Variants in ADGRB3 observed in about 807,000 individuals in gnomAD.
ADGRB3 encodes brain-specific angiogenesis inhibitor 3.
In ADGRB3, 37 loss-of-function variants were observed where a neutral mutation model predicts 193.4. The observed-to-expected ratio is 0.19, with a 90% CI of 0.15 to 0.25. The LOEUF (loss-of-function observed/expected upper bound fraction) is 0.25. ADGRB3 is among the 10% of genes least tolerant of loss of function. The pLI is 1.00. For missense variants in ADGRB3, 1,637 were observed against 1,852.9 expected (o/e 0.88, Z 2.14); for synonymous variants, 690 against 644.2 (o/e 1.07, Z -1.08).
chr6:68,933,045 A>G (rs900866624), intron 4 of ADGRB3, among the ~76,000 whole-genome samples: 1 of 150,406 alleles, frequency 6.6e-6, no homozygotes, highest in Non-Finnish European at 1.5e-5. Context: ...TGGTGCTCTA[A>G]TAGCCTATCA....
chr6:68,921,683 A>G (rs1363690733), intron 3 of ADGRB3, among the ~76,000 whole-genome samples: 1 of 152,128 alleles, frequency 6.6e-6, no homozygotes, highest in Non-Finnish European at 1.5e-5. Flanking sequence ...AAGTACATTT[A>G]TATCTTCTTG....
chr6:69,137,403 A>G (rs982720689), intron 17 of ADGRB3, among the ~76,000 whole-genome samples: 17 of 151,812 alleles, frequency 1.1e-4, no homozygotes, highest in Admixed American at 5.3e-4. Flanking sequence ...GGACCAGCTG[A>G]TGCTGTGGCA....
intron 17 of ADGRB3, among the ~76,000 whole-genome samples, chr6:69,176,766 A>G (rs1291009539): frequency 6.6e-6 from 1 of 152,138 alleles, no homozygotes; most frequent in Non-Finnish European, 1.5e-5. Flanking sequence ...CAGCTTTTTC[A>G]TCACGTTAGT....
Position 69,049,342 on chromosome 6 carries a change from T to C in ADGRB3, c.2329T>C (p.Leu777=). 1 of 1,601,710 alleles carries C rather than the reference T, an allele frequency of 6.2e-7. No individual in the cohort carries two copies. The highest frequency in any genetic ancestry group is 8.5e-7 in the Non-Finnish European group (1 of 1,171,014). ...AAACTTAGATCTAATTTTGCCCACTTTGAGGTAAGCTACAAAGTAATAAAC... is the reference window on the plus strand; with the variant it reads ...AAACTTAGATCTAATTTTGCCCACTCTGAGGTAAGCTACAAAGTAATAAAC... ...YKNLDLILPT[L]RNYTVINSKI... Residue 777 remains leucine, a synonymous_variant, in exon 15 of 32, where the codon TTG becomes CTG. Coordinates refer to ENST00000370598, the MANE Select transcript of ADGRB3 (RefSeq NM_001704.3).
intron 3 of ADGRB3, among the ~76,000 whole-genome samples, chr6:68,686,011 A>G (rs1172374541): frequency 6.6e-6 from 1 of 152,232 alleles, no homozygotes; most frequent in Non-Finnish European, 1.5e-5. Context: ...AACCATGTCA[A>G]TATAATCTTT....
At chr6:69,057,249 G>T (rs1439841951) in intron 15 of ADGRB3, among the ~76,000 whole-genome samples, 2 of 151,992 alleles carry the variant, frequency 1.3e-5, no homozygotes, top group Admixed American at 6.6e-5. Flanking sequence ...CTTGCATTCT[G>T]CAACTTCACT....
chr6:69,129,467 G>T (rs1260003264), intron 17 of ADGRB3, among the ~76,000 whole-genome samples: 2 of 148,518 alleles, frequency 1.3e-5, no homozygotes, highest in African/African-American at 4.9e-5. Flanking sequence ...AAGGAGAAAA[G>T]AGTTTAAAAG....
chr6:68,975,429 A>C, intron 10 of ADGRB3, 89 bp downstream of exon 10: 2 of 928,464 alleles, frequency 2.2e-6, no homozygotes, highest in Non-Finnish European at 3.3e-6. Context: ...TGTACAATCA[A>C]ATCAGTAACA....
At chr6:68,722,207 T>A (rs139188386) in intron 3 of ADGRB3, among the ~76,000 whole-genome samples, 1 of 151,930 alleles carries the variant, frequency 6.6e-6, no homozygotes, top group East Asian at 2.0e-4. Context: ...TGGTTTTCTG[T>A]TCCTATGTTA....
rs200612858 is a variant in ADGRB3 at position 68,637,013 on chromosome 6, GT to G, written c.-187-369del. 2.6e-4 allele frequency among the ~76,000 whole-genome samples: 37 copies of G among 142,746 alleles called. 1 individual carries two copies. Among genetic ancestry groups the G allele is most frequent in the South Asian group, 1.3e-3 (6 of 4,470 alleles). The allele number at this position is 142,746 out of a possible 152,430, so 93.6% of individuals were successfully genotyped here. Reference sequence around the variant, plus strand: ...TCCAGAATTTCTTACAACTTTCTCTGTTTTTTTTTAACCTTTAAATGCTCAT... The same window carrying G: ...TCCAGAATTTCTTACAACTTTCTCTGTTTTTTTTAACCTTTAAATGCTCAT... On this transcript the variant is annotated intron_variant, in intron 1 of 31. Transcript: ENST00000370598.
chr6:68,928,599 G>A (rs1199482125), intron 3 of ADGRB3, among the ~76,000 whole-genome samples: 1 of 152,134 alleles, frequency 6.6e-6, no homozygotes, highest in East Asian at 1.9e-4. Context: ...TTCCTTAGAA[G>A]AGAGATTTCA....
At chr6:68,835,585 C>A (rs760144251) in intron 3 of ADGRB3, among the ~76,000 whole-genome samples, 3 of 151,976 alleles carry the variant, frequency 2.0e-5, no homozygotes, top group Non-Finnish European at 2.9e-5. Flanking sequence ...TTCATTTTTA[C>A]CCTGACTCTT....
At chr6:69,002,509 G>A (rs748116292) in intron 11 of ADGRB3, among the ~76,000 whole-genome samples, 5 of 152,050 alleles carry the variant, frequency 3.3e-5, no homozygotes, top group African/African-American at 7.2e-5. Context: ...GAACCACTGC[G>A]CCCAGCCAAA....
intron 3 of ADGRB3, among the ~76,000 whole-genome samples, chr6:68,663,584 G>C (rs1768722650): frequency 6.6e-6 from 1 of 151,540 alleles, no homozygotes; most frequent in Admixed American, 6.6e-5. Flanking sequence ...AGAACTTCAG[G>C]GTTAATATGA....
chr6:69,254,757 G>A (rs937304774), intron 20 of ADGRB3, among the ~76,000 whole-genome samples: 37 of 149,030 alleles, frequency 2.5e-4, no homozygotes, highest in Non-Finnish European at 4.4e-4. Flanking sequence ...TGCACAATCT[G>A]CAGGTTAGTT....
chr6:69,134,673 G>T (rs949348489), intron 17 of ADGRB3, among the ~76,000 whole-genome samples: 2 of 148,710 alleles, frequency 1.3e-5, no homozygotes, highest in Admixed American at 6.7e-5. Flanking sequence ...TTTATGAAGC[G>T]GAAACATATA....
chr6:69,171,813 C>A (rs767646594), intron 17 of ADGRB3, among the ~76,000 whole-genome samples: 1 of 152,136 alleles, frequency 6.6e-6, no homozygotes, highest in African/African-American at 2.4e-5. Context: ...AACCATATAT[C>A]CTGTGGAAGA....
chr6:68,994,779 G>A (rs915848155), intron 11 of ADGRB3, among the ~76,000 whole-genome samples: 1 of 152,040 alleles, frequency 6.6e-6, no homozygotes, highest in Non-Finnish European at 1.5e-5. Flanking sequence ...TAAAGATTTG[G>A]CAAAACTCCC....
intron 3 of ADGRB3, among the ~76,000 whole-genome samples, chr6:68,898,707 A>C (rs1766311174): frequency 6.6e-6 from 1 of 152,124 alleles, no homozygotes; most frequent in Non-Finnish European, 1.5e-5. Context: ...ATGCCAACTA[A>C]AACAGGTAAC....
Sources: allele counts gnomAD v4.1 joint callset (sites outside exome capture counted in the v4.1 genomes callset), GRCh38; gene constraint gnomAD v4.1.1; transcripts MANE v1.5; gene names NCBI Gene and HGNC (gene_info 2026-07-23, HGNC 2026-07-21).